The following SENP3 variants were observed in gnomAD, a reference collection of about 807,000 sequenced individuals.
SENP3 encodes the protein SUMO specific peptidase 3, also known as sentrin-specific protease 3.
SENP3 carries 11 observed loss-of-function variants against 66.2 expected under a neutral mutation model. The ratio of observed to expected loss-of-function variants is 0.17; its 90% CI spans 0.10 to 0.28. SENP3 has a LOEUF of 0.28. SENP3 is among the 10% of genes least tolerant of loss of function. The pLI is 1.00. For missense variants in SENP3, 548 were observed against 743.7 expected (o/e 0.74, Z 3.06); for synonymous variants, 292 against 277.6 (o/e 1.05, Z -0.52).
chr17:7,569,112 G>A lies in SENP3; in HGVS notation c.1342-1244G>A, dbSNP rs545933306. Reference sequence around the variant, plus strand: ...AAGAAGATTTGTTTTTTTGCCGGGCGCGGTGGCTCACGCCTGTAATCCCAG... The same window carrying A: ...AAGAAGATTTGTTTTTTTGCCGGGCACGGTGGCTCACGCCTGTAATCCCAG... On this transcript the variant is annotated intron_variant, in intron 7 of 10. Transcript: ENST00000321337. Among the ~76,000 whole-genome samples, 72 of 152,214 alleles carry A rather than the reference G, an allele frequency of 4.7e-4. 1 individual carries two copies. In the South Asian group the frequency reaches 0.013, roughly 27 times the overall value.
At chr17:7,567,906 G>A (rs907713124) in intron 7 of SENP3, among the ~76,000 whole-genome samples, 13 of 152,222 alleles carry the variant, frequency 8.5e-5, no homozygotes, top group Middle Eastern at 3.4e-3. Context: ...TTGAAAGGGG[G>A]GCAAGAATGG....
In SENP3 at chr17:7,570,520, C is replaced by A. The variant is rs934819472; in HGVS notation, c.1479+27C>A. 2 of 1,604,404 alleles carry A rather than the reference C, an allele frequency of 1.2e-6. No homozygotes were observed. Among genetic ancestry groups the A allele is most frequent in the Non-Finnish European group, 1.7e-6 (2 of 1,174,582 alleles). On this transcript the variant is annotated intron_variant, in intron 8 of 10. Transcript: ENST00000321337. The surrounding 1 kb of genome is among the most constrained non-coding windows in gnomAD (Gnocchi z 5.4). ...TTTGAGGGGGTAGGAGAGAGATGGG[C>A]AAAATGTGGGGCGGTGCAGTGGCAA...
In SENP3 at chr17:7,571,515, G is replaced by A. The variant is rs778826807; in HGVS notation, c.*32G>A. ...TACCCCAGACCCCAAGCCCATAAATGGGAAGGGAGACATGGGAGTCCCTTC... is the reference window on the plus strand; with the variant it reads ...TACCCCAGACCCCAAGCCCATAAATAGGAAGGGAGACATGGGAGTCCCTTC... On this transcript the variant is annotated 3_prime_UTR_variant, in exon 11 of 11. Transcript: ENST00000321337. The A allele has an allele frequency of 6.6e-7, 1 of 1,519,648 alleles. No individual in the cohort carries two copies. Among genetic ancestry groups the A allele is most frequent in the Non-Finnish European group, 9.1e-7 (1 of 1,095,934 alleles). 94.1% of individuals were successfully genotyped at this position (1,519,648 alleles called of 1,614,324 possible).
intron 7 of SENP3, among the ~76,000 whole-genome samples, chr17:7,567,561 T>C (rs1201473665): frequency 1.3e-5 from 2 of 148,942 alleles, no homozygotes; most frequent in Non-Finnish European, 3.0e-5. Flanking sequence ...GCGTGGGAAG[T>C]GGGTACTTTA....
chr17:7,566,898 C>T, intron 6 of SENP3, 29 bp from the exon 7 acceptor site: 1 of 1,495,106 alleles, frequency 6.7e-7, no homozygotes, highest in Non-Finnish European at 9.1e-7. Flanking sequence ...CTTTTAATTC[C>T]ATTGAGCTTT....
chr17:7,563,334 T>C lies in SENP3; in HGVS notation c.258T>C (p.Asp86=). 6.4e-7 allele frequency: 1 copy of C among 1,552,234 alleles called. No homozygotes were observed. Residue 86 remains aspartate, a synonymous_variant, in exon 2 of 11, where the codon GAT becomes GAC. Coordinates refer to ENST00000321337, the MANE Select transcript of SENP3 (RefSeq NM_015670.6). ...EEEEEEEEEE[D]EDEEEEVAAW... ...AGGAAGAAGAGGAGGAGGAGGAGGATGAAGATGAAGAGGAGGAAGTGGCAG... is the reference window on the plus strand; with the variant it reads ...AGGAAGAAGAGGAGGAGGAGGAGGACGAAGATGAAGAGGAGGAAGTGGCAG...
Position 7,565,562 on chromosome 17 carries a change from A to T in SENP3, c.1190A>T (p.Tyr397Phe). 1 of 1,613,896 alleles carries T rather than the reference A, an allele frequency of 6.2e-7. No individual in the cohort carries two copies. Among genetic ancestry groups the T allele is most frequent in the Non-Finnish European group, 8.5e-7 (1 of 1,179,850 alleles). ...ACCATGGATGACTTGGGGACCTTGT[A>T]TGGACAGAACTGGCTCAATGACCAG... The part of the protein sequence containing the change: ...VLTMDDLGTL[Y>F]GQNWLNDQVM... The change falls in exon 5 of 11, where the codon TAT becomes TTT. Residue 397 changes from tyrosine (Y) to phenylalanine (F), a missense_variant. Physicochemically the swap from Tyr to Phe is conservative, Grantham distance 22 (BLOSUM62 3). Around this residue, in one of 6 missense-constraint regions of SENP3, gnomAD observed 72 missense variants for 137.9 expected, o/e 0.52. Transcript: ENST00000321337.
Position 7,570,438 on chromosome 17 carries a change from G to A in SENP3, c.1424G>A (p.Arg475Gln), listed in dbSNP as rs199737748. ...TCCCTCATCTCTGTTGATGTGAGGC[G>A]ACGCACCATCACCTATTTTGACTCG... ...HWSLISVDVRRRTITYFDSQR... is the reference protein window; with the variant it reads ...HWSLISVDVRQRTITYFDSQR... The change falls in exon 8 of 11, where the codon CGA (arginine) becomes CAA (glutamine). Residue 475 changes from arginine to glutamine, a missense_variant. Physicochemically the swap from Arg to Gln is conservative, Grantham distance 43. Transcript: ENST00000321337. This position sits in a 1 kb window ranked among gnomAD's most constrained non-coding sequence, Gnocchi z 5.4. 83 of 1,613,614 alleles carry A rather than the reference G, an allele frequency of 5.1e-5. 2 individuals carry two copies. The highest frequency in any genetic ancestry group is 6.7e-5 in the Admixed American group (4 of 59,986).
intron 6 of SENP3, chr17:7,565,972 C>T (rs529220640): frequency 4.0e-5 from 21 of 531,192 alleles, no homozygotes; most frequent in African/African-American, 1.9e-4. Flanking sequence ...TAGTGTTTTT[C>T]GCTATGGCCA....
chr17:7,563,604 G>A lies in SENP3; in HGVS notation c.528G>A (p.Thr176=), dbSNP rs759021091. The change falls in exon 2 of 11, where the codon ACG becomes ACA. Residue 176 remains threonine, a synonymous_variant. Transcript: ENST00000321337. ...TTTCACCCCAGCAAGGGGGTGCGACGCCACAGGTGCCATCCCCCTGTTGTC... is the reference window on the plus strand; with the variant it reads ...TTTCACCCCAGCAAGGGGGTGCGACACCACAGGTGCCATCCCCCTGTTGTC... ...NHLSPQQGGA[T]PQVPSPCCRF... 2 of 1,583,258 alleles carry A rather than the reference G, an allele frequency of 1.3e-6. No individual in the cohort carries two copies. The highest frequency in any genetic ancestry group is 1.7e-4 in the Middle Eastern group (1 of 5,994).
At position 7,571,179 on chromosome 17, in the gene SENP3, T is replaced by G. The variant is rs568519809; in HGVS notation, c.1615-194T>G. On this transcript the variant is annotated intron_variant, in intron 10 of 10. Transcript: ENST00000321337. ...CTCCCTGCTAACCTCCAACTCAGTG[T>G]ATTTTCTCCATCTAAAACATTCTAT... is the stretch of plus-strand genomic sequence containing the variant. Among the ~76,000 whole-genome samples, 39 of 152,290 alleles carry G rather than the reference T, an allele frequency of 2.6e-4. 1 individual carries two copies. The highest frequency in any genetic ancestry group is 8.4e-4 in the African/African-American group (35 of 41,558).
In SENP3 at chr17:7,571,424, A is replaced by T; in HGVS notation, c.1666A>T (p.Met556Leu). The T allele has an allele frequency of 1.9e-6, 3 of 1,608,292 alleles. No individual in the cohort carries two copies. In the Admixed American group the frequency reaches 5.1e-5, roughly 27 times the overall value. ...SQPFSFTQQD[M>L]PKLRRQIYKE... ...GCCATTCAGCTTCACCCAGCAGGACATGCCCAAACTTCGTCGGCAGATCTA... is the reference window on the plus strand; with the variant it reads ...GCCATTCAGCTTCACCCAGCAGGACTTGCCCAAACTTCGTCGGCAGATCTA... The change falls in exon 11 of 11, where the codon ATG (methionine) becomes TTG (leucine). Residue 556 changes from methionine to leucine, a missense_variant. By Grantham distance (15) the Met-to-Leu change is conservative. Transcript: ENST00000321337.
chr17:7,564,592 T>C, intron 2 of SENP3, 33 bp from the exon 3 acceptor site: 1 of 1,612,386 alleles, frequency 6.2e-7, no homozygotes, highest in African/African-American at 1.3e-5. Context: ...CAGGCCAGTC[T>C]CTCATGCCCA....
intron 7 of SENP3, among the ~76,000 whole-genome samples, chr17:7,568,391 A>G (rs555414569): frequency 6.6e-6 from 1 of 152,248 alleles, no homozygotes; most frequent in African/African-American, 2.4e-5. Context: ...AGGTCAAGAG[A>G]TTGAGACCAG....
chr17:7,564,758 G>A lies in SENP3; in HGVS notation c.849G>A (p.Glu283=), dbSNP rs763192671. The change falls in exon 3 of 11, where the codon GAG becomes GAA. Residue 283 remains glutamate (E), a synonymous_variant. Transcript: ENST00000321337. The stretch of plus-strand genomic sequence containing the variant: ...GCATCGGGGACCATGTGGCCCAGGA[G>A]CTTTTTCAGGGCTCAGATTTGGGCA... ...VCSIGDHVAQ[E]LFQGSDLGMA... 3 of 1,613,928 alleles carry A rather than the reference G, an allele frequency of 1.9e-6. No homozygotes were observed. Among genetic ancestry groups the A allele is most frequent in the African/African-American group, 2.7e-5 (2 of 74,926 alleles).
chr17:7,571,626 ATT>A lies in SENP3; in HGVS notation c.*151_*152del. ...CATATTTAAATGTTTCAATTTCTGT[ATT>A]TTTTTTTCTTTGAGAGAATACTTGT... On this transcript the variant is annotated 3_prime_UTR_variant, in exon 11 of 11. Transcript: ENST00000321337. The A allele has an allele frequency of 5.2e-6, 3 of 571,592 alleles. No individual in the cohort carries two copies. The highest frequency in any genetic ancestry group is 6.4e-5 in the Admixed American group (2 of 31,220). 35.4% of individuals were successfully genotyped at this position (571,592 alleles called of 1,614,324 possible).
At chr17:7,565,870 T>C (rs977216592) in intron 6 of SENP3, 106 bp downstream of exon 6, 16 of 953,936 alleles carry the variant, frequency 1.7e-5, no homozygotes, top group Non-Finnish European at 2.6e-5. Flanking sequence ...GGTCTCTGTT[T>C]CAGGGAGAGA....
intron 10 of SENP3, 108 bp from the exon 11 acceptor site, chr17:7,571,265 G>C: frequency 1.2e-6 from 1 of 805,814 alleles, no homozygotes; most frequent in South Asian, 1.7e-5. Flanking sequence ...TGGGACCCTG[G>C]CTCCCTTTGG....
In SENP3 at chr17:7,562,609, G is replaced by GC. The variant is rs1330513863; in HGVS notation, c.-12+352dup. Reference sequence around the variant, plus strand: ...CTTGAGATGACCGCAGCCTTCCCATGCCCCCCGTTCATCCAGGGTGTTAGA... The same window carrying GC: ...CTTGAGATGACCGCAGCCTTCCCATGCCCCCCCGTTCATCCAGGGTGTTAGA... On this transcript the variant is annotated intron_variant, in intron 1 of 10. Transcript: ENST00000321337. The surrounding 1 kb of genome is among the most constrained non-coding windows in gnomAD (Gnocchi z 5.0). Among the ~76,000 whole-genome samples the GC allele has an allele frequency of 1.3e-5, 2 of 152,156 alleles. No homozygotes were observed. Among genetic ancestry groups the GC allele is most frequent in the East Asian group, 1.9e-4 (1 of 5,200 alleles).
Sources: gnomAD v4.1 joint callset for allele counts (sites outside exome capture counted in the v4.1 genomes callset) on GRCh38, gnomAD v4.1.1 for gene constraint, gnomAD v4.1.1 regional missense constraint, Gnocchi (gnomAD v3.1) non-coding constraint, MANE v1.5 for transcripts, NCBI Gene and HGNC (gene_info 2026-07-23, HGNC 2026-07-21) for gene names.